The following CADPS2 variants were observed in gnomAD, a reference collection of about 807,000 sequenced individuals.
The protein encoded by CADPS2 is calcium dependent secretion activator 2.
CADPS2 carries 93 observed loss-of-function variants against 172.5 expected under a neutral mutation model. The ratio of observed to expected loss-of-function variants is 0.54; its 90% CI spans 0.46 to 0.64. The LOEUF (loss-of-function observed/expected upper bound fraction) is 0.64, where lower values mean the gene tolerates loss of function less well. CADPS2 is among the 30% of genes least tolerant of loss of function. CADPS2 has a pLI of 0.00. For synonymous variants in CADPS2, 546 were observed against 555.2 expected, an observed-to-expected ratio of 0.98 and a Z score of 0.23; for missense variants, 1,420 against 1,565.9, an observed-to-expected ratio of 0.91 and a Z score of 1.57.
intron 2 of CADPS2, among the ~76,000 whole-genome samples, chr7:122,729,132 T>C (rs916574721): frequency 4.6e-5 from 7 of 151,858 alleles, no homozygotes; most frequent in Admixed American, 3.3e-4. Flanking sequence ...TCCTCCTGTG[T>C]CTGGCTTATT....
At chr7:122,483,264 A>C (rs2057479370) in intron 11 of CADPS2, among the ~76,000 whole-genome samples, 1 of 152,226 alleles carries the variant, frequency 6.6e-6, no homozygotes, top group Non-Finnish European at 1.5e-5. Flanking sequence ...TAGAGGAAAA[A>C]AGGACATTAT....
chr7:122,471,248 T>G (rs1477882104), intron 14 of CADPS2, 127 bp downstream of exon 14: 3 of 626,552 alleles, frequency 4.8e-6, no homozygotes, highest in African/African-American at 3.9e-5. Flanking sequence ...GTCGTTTTTT[T>G]TTTTTTCCTT....
chr7:122,658,992 T>G (rs2080175910), intron 3 of CADPS2, among the ~76,000 whole-genome samples: 1 of 151,994 alleles, frequency 6.6e-6, no homozygotes. Flanking sequence ...CCTACTCAGA[T>G]TAACATAAAT....
intron 1 of CADPS2, among the ~76,000 whole-genome samples, chr7:122,793,033 T>C (rs1288275714): frequency 6.6e-6 from 1 of 152,198 alleles, no homozygotes; most frequent in Non-Finnish European, 1.5e-5. Context: ...TATCATTACA[T>C]GCACTAAAAG....
chr7:122,441,230 A>T (rs2051308446), intron 16 of CADPS2, among the ~76,000 whole-genome samples: 1 of 152,204 alleles, frequency 6.6e-6, no homozygotes, highest in Non-Finnish European at 1.5e-5. Context: ...CTGAAAAAAA[A>T]GTATTTCATG....
At chr7:122,346,563 C>T (rs1486930479) in intron 27 of CADPS2, among the ~76,000 whole-genome samples, 2 of 152,052 alleles carry the variant, frequency 1.3e-5, no homozygotes, top group Non-Finnish European at 1.5e-5. Context: ...TGTGGATTAT[C>T]CATTGCTTCT....
chr7:122,602,768 G>C (rs2072980949), intron 6 of CADPS2, among the ~76,000 whole-genome samples: 1 of 152,008 alleles, frequency 6.6e-6, no homozygotes, highest in Non-Finnish European at 1.5e-5. Flanking sequence ...GATATTTTTA[G>C]GAACTCTTTC....
At chr7:122,592,592 T>C (rs886368670) in intron 6 of CADPS2, among the ~76,000 whole-genome samples, 25 of 152,068 alleles carry the variant, frequency 1.6e-4, no homozygotes, top group African/African-American at 5.6e-4. Context: ...CCAACCCAAA[T>C]GTCCATCAAT....
At chr7:122,380,269 T>TG (rs1330285324) in intron 24 of CADPS2, among the ~76,000 whole-genome samples, 1 of 152,082 alleles carries the variant, frequency 6.6e-6, no homozygotes, top group East Asian at 1.9e-4. Context: ...TTAGAAGCAT[T>TG]TATCTGACAA....
chr7:122,491,120 G>A (rs571930240), intron 10 of CADPS2, among the ~76,000 whole-genome samples, 192 bp downstream of exon 10: 1 of 152,178 alleles, frequency 6.6e-6, no homozygotes, highest in East Asian at 1.9e-4. Context: ...TAACAAATAT[G>A]ATGAAATATG....
At chr7:122,619,788 G>A (rs1308976091) in intron 5 of CADPS2, among the ~76,000 whole-genome samples, 6 of 152,146 alleles carry the variant, frequency 3.9e-5, no homozygotes, top group Non-Finnish European at 8.8e-5. Context: ...AAATTCTATA[G>A]GTAACATGCT....
chr7:122,842,825 A>T (rs1404047176), intron 1 of CADPS2, among the ~76,000 whole-genome samples: 2 of 152,096 alleles, frequency 1.3e-5, no homozygotes, highest in Non-Finnish European at 2.9e-5. Context: ...GGAAAAGAAA[A>T]CCCTTGCCTA....
intron 13 of CADPS2, among the ~76,000 whole-genome samples, chr7:122,472,583 A>G (rs2056120998): frequency 6.6e-6 from 1 of 152,202 alleles, no homozygotes; most frequent in Non-Finnish European, 1.5e-5. Context: ...ACCTTGTAGC[A>G]TTCTCCTCAG....
chr7:122,702,083 C>T (rs761015313), intron 2 of CADPS2: 1 of 1,613,508 alleles, frequency 6.2e-7, no homozygotes, highest in Non-Finnish European at 8.5e-7. Flanking sequence ...ACTTCGCCTC[C>T]TGGTGAAAGA....
chr7:122,785,083 T>C (rs1793703533), intron 1 of CADPS2, among the ~76,000 whole-genome samples: 1 of 152,216 alleles, frequency 6.6e-6, no homozygotes, highest in Non-Finnish European at 1.5e-5. Context: ...ACCAGAACAG[T>C]AAATCAGGTC....
chr7:122,826,627 GA>G lies in CADPS2; in HGVS notation c.339+59371del, dbSNP rs142862670. Among the ~76,000 whole-genome samples, 128 of 149,954 alleles carry G rather than the reference GA, an allele frequency of 8.5e-4. 1 individual carries two copies. Among genetic ancestry groups the G allele is most frequent in the South Asian group, 4.2e-3 (20 of 4,748 alleles). On this transcript the variant is annotated intron_variant, in intron 1 of 29. Coordinates refer to ENST00000449022, the MANE Select transcript of CADPS2 (RefSeq NM_017954.11). ...TCAGCAAGGCAACAGAATTTATGAA[GA>G]AAAAAAAATAAGAAATTTTAGAAAT... is the stretch of plus-strand genomic sequence containing the variant.
intron 29 of CADPS2, 89 bp from the exon 30 acceptor site, chr7:122,320,427 TTGG>T (rs2032173480): frequency 9.6e-7 from 1 of 1,036,306 alleles, no homozygotes; most frequent in East Asian, 2.8e-5. Flanking sequence ...AAAAATGATC[TTGG>T]GGAATCCACT....
intron 17 of CADPS2, among the ~76,000 whole-genome samples, chr7:122,426,732 G>C (rs2049216497): frequency 6.6e-6 from 1 of 152,164 alleles, no homozygotes; most frequent in Admixed American, 6.5e-5. Context: ...ATGTCTCTTG[G>C]TGTACCTGTT....
chr7:122,350,756 TG>T (rs1349088674), intron 27 of CADPS2, among the ~76,000 whole-genome samples: 1 of 151,762 alleles, frequency 6.6e-6, no homozygotes, highest in Non-Finnish European at 1.5e-5. Context: ...GAGGCTGAGG[TG>T]GGAGGATTGC....
Sources: allele counts gnomAD v4.1 joint callset (sites outside exome capture counted in the v4.1 genomes callset), GRCh38; gene constraint gnomAD v4.1.1; transcripts MANE v1.5; gene names NCBI Gene and HGNC (gene_info 2026-07-23, HGNC 2026-07-21).